The following WNT7B variants were observed in gnomAD, a reference collection of about 807,000 sequenced individuals.
WNT7B encodes protein Wnt-7b.
WNT7B carries 19 observed loss-of-function variants against 38.2 expected under a neutral mutation model. The ratio of observed to expected loss-of-function variants is 0.50; its 90% CI spans 0.35 to 0.73. The LOEUF is 0.73. WNT7B is among the 30% of genes least tolerant of loss of function. The pLI is 0.01. For missense variants in WNT7B, 423 were observed against 507.9 expected, an observed-to-expected ratio of 0.83 and a Z score of 1.61; for synonymous variants, 243 against 209.3, an observed-to-expected ratio of 1.16 and a Z score of -1.39.
rs1010058898 is a variant in WNT7B at position 45,966,298 on chromosome 22, G to T, written c.71+10386C>A. 6.6e-5 allele frequency among the ~76,000 whole-genome samples: 10 copies of T among 152,226 alleles called. No homozygotes were observed. The highest frequency in any genetic ancestry group is 1.0e-4 in the Non-Finnish European group (7 of 68,038). The stretch of plus-strand genomic sequence containing the variant: ...CTTTGCCATCTGTCTCACCACGTGG[G>T]ACTGCGCGGGCCTAAGTCTCAGCTC... On this transcript the variant is annotated intron_variant, in intron 1 of 3. Transcript: ENST00000339464. This position sits in a 1 kb window ranked among gnomAD's most constrained non-coding sequence, Gnocchi z 4.2.
At chr22:45,948,852 T>G (rs1299977611) in intron 2 of WNT7B, among the ~76,000 whole-genome samples, 1 of 137,188 alleles carries the variant, frequency 7.3e-6, no homozygotes. Context: ...TTTTTTTTTT[T>G]TTTTTCCCCT....
chr22:45,969,718 A>G (rs960563488), intron 1 of WNT7B, among the ~76,000 whole-genome samples: 2 of 152,202 alleles, frequency 1.3e-5, no homozygotes, highest in Non-Finnish European at 2.9e-5. Flanking sequence ...CAGGACAGGG[A>G]GCTAGAGGAG....
intron 3 of WNT7B, among the ~76,000 whole-genome samples, chr22:45,928,856 C>CCA (rs1931186498): frequency 1.1e-5 from 1 of 90,496 alleles, no homozygotes; most frequent in African/African-American, 3.8e-5. Flanking sequence ...TTTCCCCATA[C>CCA]CGCATACCAC....
chr22:45,929,092 G>C (rs916228079), intron 3 of WNT7B, among the ~76,000 whole-genome samples: 3 of 152,184 alleles, frequency 2.0e-5, no homozygotes, highest in African/African-American at 7.2e-5. Flanking sequence ...GAAAGGCTCT[G>C]CTCAGAACCT....
In WNT7B at chr22:45,930,742, G is replaced by A. The variant is rs182768646; in HGVS notation, c.570+356C>T. ...CCTGGTGTGCCGAGGTGACCTCCGG[G>A]ACCAGGAACGCCAAGGGCAGGGACA... On this transcript the variant is annotated intron_variant, in intron 3 of 3. Transcript: ENST00000339464. 2.7e-3 allele frequency among the ~76,000 whole-genome samples: 410 copies of A among 152,304 alleles called. 6 individuals are homozygous for A. The highest frequency in any genetic ancestry group is 6.8e-3 in the Middle Eastern group (2 of 294).
At chr22:45,938,498 G>A (rs934817768) in intron 2 of WNT7B, among the ~76,000 whole-genome samples, 10 of 152,062 alleles carry the variant, frequency 6.6e-5, no homozygotes, top group Admixed American at 4.6e-4. Context: ...TTAGCCAGGC[G>A]TGGTGGTGTG....
intron 2 of WNT7B, 28 bp downstream of exon 2, chr22:45,949,892 G>T (rs374053452): frequency 1.3e-6 from 2 of 1,591,560 alleles, no homozygotes. Flanking sequence ...ACAATGGCTG[G>T]GCCCCTTGAG....
Position 45,950,166 on chromosome 22 carries a change from G to C in WNT7B, c.72-20C>G. The C allele has an allele frequency of 6.2e-7, 1 of 1,603,446 alleles. No individual in the cohort carries two copies. The highest frequency in any genetic ancestry group is 1.7e-5 in the Admixed American group (1 of 59,634). On this transcript the variant is annotated intron_variant, in intron 1 of 3. Coordinates refer to ENST00000339464, the MANE Select transcript of WNT7B (RefSeq NM_058238.3). ...AGTGCTCTGTGGAGGGGAGGAGACA[G>C]AGGCCGTGAGACGGCGGCGGCCAGC...
In WNT7B at chr22:45,976,554, G is replaced by A. The variant is rs1768006721; in HGVS notation, c.71+130C>T. The A allele has an allele frequency of 9.9e-7, 1 of 1,006,812 alleles. No individual in the cohort carries two copies. Among genetic ancestry groups the A allele is most frequent in the African/African-American group, 1.6e-5 (1 of 61,764 alleles). 62.4% of individuals were successfully genotyped at this position (1,006,812 alleles called of 1,614,324 possible). A position where few individuals can be genotyped will look rare whatever the true frequency, so the allele number is the denominator to read the frequency against. On this transcript the variant is annotated intron_variant, in intron 1 of 3. Transcript: ENST00000339464. This position sits in a 1 kb window ranked among gnomAD's most constrained non-coding sequence, Gnocchi z 8.5. ...GCGTGGGGCGAGGGTCTGACACACG[G>A]GCCAGCCCCGGAGCCCAGAGAGCTG... is the stretch of plus-strand genomic sequence containing the variant.
Position 45,976,184 on chromosome 22 carries a change from A to G in WNT7B, c.71+500T>C, listed in dbSNP as rs1426245410. 2.1e-5 allele frequency among the ~76,000 whole-genome samples: 3 copies of G among 145,760 alleles called. No individual in the cohort carries two copies. The highest frequency in any genetic ancestry group is 3.1e-5 in the Non-Finnish European group (2 of 65,528). ...ATTTCAACACGTCTGGGTGATGGAT[A>G]GAGACGAAGGGCCGCGGCGGGTGCC... On this transcript the variant is annotated intron_variant, in intron 1 of 3. Transcript: ENST00000339464. The surrounding 1 kb of genome is among the most constrained non-coding windows in gnomAD (Gnocchi z 8.5).
At chr22:45,927,638 G>A (rs1350777753) in intron 3 of WNT7B, 4 of 786,982 alleles carry the variant, frequency 5.1e-6, no homozygotes, top group African/African-American at 1.7e-5. Flanking sequence ...GCTCACACCT[G>A]TAATCCAAGC....
chr22:45,957,450 G>A (rs529634311), intron 1 of WNT7B, among the ~76,000 whole-genome samples: 39 of 152,022 alleles, frequency 2.6e-4, no homozygotes, highest in South Asian at 1.7e-3. Flanking sequence ...TTGGGAGGCC[G>A]AGGCGAGTGG....
intron 1 of WNT7B, among the ~76,000 whole-genome samples, chr22:45,958,150 G>A (rs979874979): frequency 2.6e-5 from 4 of 152,226 alleles, no homozygotes; most frequent in African/African-American, 9.6e-5. Context: ...AAAGGAGCAG[G>A]GCCCGTCAGC....
Position 45,922,848 on chromosome 22 carries a change from G to A in WNT7B, c.*8C>T. On this transcript the variant is annotated 3_prime_UTR_variant, in exon 4 of 4. Coordinates refer to ENST00000339464, the MANE Select transcript of WNT7B (RefSeq NM_058238.3). Reference sequence around the variant, plus strand: ...CCAGGGTGCCCGCGGCCGCCTCCGGGCCTGGCCTCACTTGCAGGTGAAGAC... The same window carrying A: ...CCAGGGTGCCCGCGGCCGCCTCCGGACCTGGCCTCACTTGCAGGTGAAGAC... The A allele has an allele frequency of 6.3e-7, 1 of 1,590,086 alleles. No homozygotes were observed. The highest frequency in any genetic ancestry group is 1.1e-5 in the South Asian group (1 of 89,440).
rs187600578 is a variant in WNT7B at position 45,958,529 on chromosome 22, G to C, written c.72-8383C>G. Among the ~76,000 whole-genome samples the C allele has an allele frequency of 5.3e-5, 8 of 152,326 alleles. No individual in the cohort carries two copies. In the East Asian group the frequency reaches 1.5e-3, roughly 29 times the overall value. ...GTGGACACCCACTCCATGCCTGACT[G>C]GCCTCAGAGTCCCCTCATGGTTGCT... On this transcript the variant is annotated intron_variant, in intron 1 of 3. Coordinates refer to ENST00000339464, the MANE Select transcript of WNT7B (RefSeq NM_058238.3).
At chr22:45,956,835 C>T (rs545684542) in intron 1 of WNT7B, among the ~76,000 whole-genome samples, 2 of 152,294 alleles carry the variant, frequency 1.3e-5, no homozygotes, top group East Asian at 1.9e-4. Flanking sequence ...CGGCCAGGCG[C>T]GGTGGCTCAC....
intron 2 of WNT7B, among the ~76,000 whole-genome samples, chr22:45,940,653 G>A (rs905349177): frequency 4.6e-5 from 7 of 152,330 alleles, no homozygotes; most frequent in Admixed American, 2.6e-4. Context: ...CACTGAACCC[G>A]GGGAGCAGAC....
At chr22:45,945,236 A>C (rs1931766424) in intron 2 of WNT7B, among the ~76,000 whole-genome samples, 1 of 152,108 alleles carries the variant, frequency 6.6e-6, no homozygotes, top group African/African-American at 2.4e-5. Flanking sequence ...GGCATGTGCC[A>C]CCACACTCAG....
chr22:45,948,526 G>C (rs1203864134), intron 2 of WNT7B, among the ~76,000 whole-genome samples: 1 of 152,214 alleles, frequency 6.6e-6, no homozygotes, highest in East Asian at 1.9e-4. Flanking sequence ...TCGGCTCCAG[G>C]ATCAGAAGGA....
Sources: allele counts gnomAD v4.1 joint callset (sites outside exome capture counted in the v4.1 genomes callset), GRCh38; gene constraint gnomAD v4.1.1; non-coding constraint Gnocchi (gnomAD v3.1); transcripts MANE v1.5; gene names NCBI Gene and HGNC (gene_info 2026-07-23, HGNC 2026-07-21).